The following ANKRD36 variants were observed in gnomAD, a reference collection of about 807,000 sequenced individuals.
ANKRD36 encodes ankyrin repeat domain 36.
Under a neutral mutation model 278.1 loss-of-function variants are expected in ANKRD36, and 179 were observed. The observed-to-expected ratio is 0.64, with a 90% CI of 0.57 to 0.73. The LOEUF (loss-of-function observed/expected upper bound fraction) is 0.73, where lower values mean the gene tolerates loss of function less well. Among genes scored for constraint, ANKRD36 ranks in the 30% least tolerant of loss-of-function variants. The probability of loss-of-function intolerance (pLI) is 0.00; values close to 1 mark genes in which losing one functional copy is unlikely to be tolerated. For missense variants in ANKRD36, 1,159 were observed against 1,956.7 expected (o/e 0.59, Z 7.69); for synonymous variants, 320 against 641.1 (o/e 0.50, Z 7.57).
intron 42 of ANKRD36, 91 bp downstream of exon 42, chr2:97,196,879 C>A (rs1430132113): frequency 6.6e-7 from 1 of 1,512,626 alleles, no homozygotes; most frequent in African/African-American, 1.4e-5. Flanking sequence ...CTCATCGAAG[C>A]TGCACTTTCT....
Position 97,132,368 on chromosome 2 carries a change from T to C in ANKRD36, c.799+5234T>C, listed in dbSNP as rs577044861. Among the ~76,000 whole-genome samples the C allele has an allele frequency of 5.4e-3, 824 of 151,742 alleles. 17 individuals are homozygous for C. The highest frequency in any genetic ancestry group is 3.3e-3 in the Non-Finnish European group (223 of 67,944). On this transcript the variant is annotated intron_variant, in intron 6 of 75. Transcript: ENST00000420699. Reference sequence around the variant, plus strand: ...GGCTGTGATCTTTTTGTTTCTCTTCTAGAAGCTTTCATACTATGGGATATA... The same window carrying C: ...GGCTGTGATCTTTTTGTTTCTCTTCCAGAAGCTTTCATACTATGGGATATA...
chr2:97,198,377 A>T, intron 42 of ANKRD36, 86 bp from the exon 43 acceptor site: 1 of 1,545,910 alleles, frequency 6.5e-7, no homozygotes, highest in Non-Finnish European at 8.7e-7. Flanking sequence ...GCAGGAGGAC[A>T]GAGGTTGATG....
At chr2:97,203,907 G>A (rs935357376) in intron 48 of ANKRD36, among the ~76,000 whole-genome samples, 161 bp from the exon 49 acceptor site, 14 of 151,938 alleles carry the variant, frequency 9.2e-5, no homozygotes, top group East Asian at 2.0e-4. Flanking sequence ...TTTTCTCAGC[G>A]TATTTCTGTC....
At chr2:97,204,517 G>A (rs111861729) in intron 50 of ANKRD36, among the ~76,000 whole-genome samples, 1,890 of 151,378 alleles carry the variant, frequency 0.012, 6 homozygotes, top group African/African-American at 0.043. Context: ...GGCATAAGGG[G>A]CTCCGGGGAA....
chr2:97,185,348 A>G lies in ANKRD36; in HGVS notation c.1968+4A>G. 6.2e-7 allele frequency: 1 copy of G among 1,609,848 alleles called. No homozygotes were observed. Among genetic ancestry groups the G allele is most frequent in the South Asian group, 1.1e-5 (1 of 90,788 alleles). ...TCAGAAACAACCAGCCTCAAAGGTA[A>G]TTAAACTCTCATTTATATTTTGTAT... is the stretch of plus-strand genomic sequence containing the variant. On this transcript the variant is annotated splice_donor_region_variant and intron_variant, in intron 29 of 75. Transcript: ENST00000420699.
chr2:97,138,011 T>C (rs1559284024), intron 6 of ANKRD36, among the ~76,000 whole-genome samples: 1 of 152,090 alleles, frequency 6.6e-6, no homozygotes, highest in Non-Finnish European at 1.5e-5. Flanking sequence ...TTAGGCCTTT[T>C]TCAGATGGAC....
At chr2:97,131,835 ATT>A (rs915606778) in intron 6 of ANKRD36, among the ~76,000 whole-genome samples, 28 of 147,186 alleles carry the variant, frequency 1.9e-4, no homozygotes, top group African/African-American at 4.5e-4. Flanking sequence ...TTATTAATAG[ATT>A]TTTTTTTTTG....
At chr2:97,165,087 C>G (rs1465085104) in intron 20 of ANKRD36, among the ~76,000 whole-genome samples, 1 of 152,270 alleles carries the variant, frequency 6.6e-6, no homozygotes, top group Non-Finnish European at 1.5e-5. Context: ...CTACAGGTAA[C>G]CAACAGCCTG....
intron 67 of ANKRD36, among the ~76,000 whole-genome samples, chr2:97,226,401 T>G (rs543686825): frequency 6.6e-6 from 1 of 151,426 alleles, no homozygotes. Context: ...TTTCATGTGT[T>G]TTTTGGCTGC....
chr2:97,200,081 G>A (rs1192850106), intron 44 of ANKRD36, among the ~76,000 whole-genome samples: 4 of 151,844 alleles, frequency 2.6e-5, no homozygotes, highest in African/African-American at 9.7e-5. Context: ...AGATTGACAC[G>A]GTTTTATTTT....
chr2:97,128,957 A>G (rs926373717), intron 6 of ANKRD36, among the ~76,000 whole-genome samples: 44 of 152,148 alleles, frequency 2.9e-4, no homozygotes, highest in Non-Finnish European at 6.2e-4. Flanking sequence ...TTATAGCAGC[A>G]TGATTTATAA....
In ANKRD36 at chr2:97,124,571, T is replaced by G; in HGVS notation, c.705T>G (p.Asp235Glu). Residue 235 changes from aspartate to glutamate, a missense_variant, in exon 5 of 76, where the codon GAT (aspartate) becomes GAG (glutamate). Physicochemically the swap from Asp to Glu is conservative, Grantham distance 45 (BLOSUM62 2). Coordinates refer to ENST00000420699, the MANE Select transcript of ANKRD36 (RefSeq NM_001354587.1). ...SRDAFRKIAG[D>E]YAIEAKNRVI... ...ATGCGTTTCGAAAGATTGCAGGAGA[T>G]TATGCCATTGAGGCTAAGAATAGAG... is the stretch of plus-strand genomic sequence containing the variant. 6.4e-7 allele frequency: 1 copy of G among 1,552,854 alleles called. No individual in the cohort carries two copies. Among genetic ancestry groups the G allele is most frequent in the Middle Eastern group, 1.7e-4 (1 of 5,994 alleles).
rs1368104929 is a variant in ANKRD36 at position 97,243,804 on chromosome 2, T to C, written c.4308-42T>C. On this transcript the variant is annotated intron_variant, in intron 69 of 75. Coordinates refer to ENST00000420699, the MANE Select transcript of ANKRD36 (RefSeq NM_001354587.1). ...GGCAAGATAAAAAATTAGAGCTTAGTCCTCACTGATAAGATAAATTCTAAG... is the reference window on the plus strand; with the variant it reads ...GGCAAGATAAAAAATTAGAGCTTAGCCCTCACTGATAAGATAAATTCTAAG... The C allele has an allele frequency of 4.1e-6, 6 of 1,453,378 alleles. No homozygotes were observed. The South Asian group carries it at 6.9e-5, about 17-fold the overall frequency. 90.0% of individuals were successfully genotyped at this position (1,453,378 alleles called of 1,614,324 possible). A position where few individuals can be genotyped will look rare whatever the true frequency, so the allele number is the denominator to read the frequency against.
intron 42 of ANKRD36, among the ~76,000 whole-genome samples, chr2:97,197,433 T>C (rs1352507701): frequency 6.6e-6 from 1 of 151,972 alleles, no homozygotes; most frequent in Non-Finnish European, 1.5e-5. Context: ...ACACACTGAC[T>C]CATTACTCTC....
chr2:97,218,029 G>A lies in ANKRD36; in HGVS notation c.3775+657G>A, dbSNP rs532625178. ...AGTGCTAGAATTGGGATAAACCACA[G>A]TGCCTCATTATTCATGTTTCTTAGT... On this transcript the variant is annotated intron_variant, in intron 64 of 75. Transcript: ENST00000420699. 2.0e-5 allele frequency among the ~76,000 whole-genome samples: 3 copies of A among 152,214 alleles called. No homozygotes were observed. In the South Asian group the frequency reaches 6.3e-4, roughly 32 times the overall value.
chr2:97,137,473 A>G (rs1490356978), intron 6 of ANKRD36, among the ~76,000 whole-genome samples: 2 of 151,784 alleles, frequency 1.3e-5, no homozygotes, highest in Non-Finnish European at 2.9e-5. Context: ...TTTTTAATAA[A>G]GAGTCTTGCT....
At chr2:97,145,798 A>T in intron 10 of ANKRD36, among the ~76,000 whole-genome samples, 1 of 152,000 alleles carries the variant, frequency 6.6e-6, no homozygotes, top group Admixed American at 6.6e-5. Context: ...TAGGCTCATT[A>T]TTATACCACA....
At chr2:97,185,567 C>T (rs570304629) in intron 30 of ANKRD36, 57 bp downstream of exon 30, 2 of 1,568,558 alleles carry the variant, frequency 1.3e-6, no homozygotes, top group South Asian at 1.1e-5. Context: ...AAGAACTTCT[C>T]TTCCCTGAAT....
intron 15 of ANKRD36, 105 bp downstream of exon 15, chr2:97,154,846 T>A: frequency 1.0e-6 from 1 of 990,704 alleles, no homozygotes; most frequent in East Asian, 2.8e-5. Flanking sequence ...TATCATTGTT[T>A]TATGTTAGTA....
Sources: gnomAD v4.1 joint callset for allele counts (sites outside exome capture counted in the v4.1 genomes callset) on GRCh38, gnomAD v4.1.1 for gene constraint, MANE v1.5 for transcripts, NCBI Gene and HGNC (gene_info 2026-07-23, HGNC 2026-07-21) for gene names.